PUS10: variants seen among roughly 807,000 people sequenced by gnomAD.
The protein encoded by PUS10 is tRNA pseudouridine synthase Pus10.
In PUS10, 59 loss-of-function variants were observed where a neutral mutation model predicts 75.0. The observed-to-expected ratio is 0.79, with a 90% CI of 0.64 to 0.98. The LOEUF (loss-of-function observed/expected upper bound fraction) is 0.98. PUS10 is among the 50% of genes least tolerant of loss of function. The pLI, the probability that PUS10 is intolerant of heterozygous loss-of-function variation, is 0.00. For missense variants in PUS10, 650 were observed against 614.4 expected (o/e 1.06, Z -0.61); for synonymous variants, 219 against 211.6 (o/e 1.03, Z -0.30).
intron 5 of PUS10, among the ~76,000 whole-genome samples, chr2:60,970,695 A>AT (rs1304477631): frequency 6.6e-6 from 1 of 152,224 alleles, no homozygotes; most frequent in Non-Finnish European, 1.5e-5. Context: ...CTCTAACATC[A>AT]TATCACATTT....
At chr2:61,014,872 G>A (rs1679866615) in intron 1 of PUS10, among the ~76,000 whole-genome samples, 1 of 152,208 alleles carries the variant, frequency 6.6e-6, no homozygotes, top group African/African-American at 2.4e-5. Context: ...TTACTTGCAA[G>A]TTGCTAAATG....
rs992043983 is a variant in PUS10, at chr2:60,942,280, C to T, written c.*115G>A. On this transcript the variant is annotated 3_prime_UTR_variant, in exon 18 of 18. Transcript: ENST00000316752. Reference sequence around the variant, plus strand: ...TAACAATTATATAGATCAACATGATCCAAATAGTTTTCAAGACACCGTTAT... The same window carrying T: ...TAACAATTATATAGATCAACATGATTCAAATAGTTTTCAAGACACCGTTAT... The T allele has an allele frequency of 2.5e-6, 2 of 811,966 alleles. No homozygotes were observed. Among genetic ancestry groups the T allele is most frequent in the Non-Finnish European group, 4.4e-6 (2 of 458,902 alleles). 50.3% of individuals were successfully genotyped at this position (811,966 alleles called of 1,614,324 possible). A position where few individuals can be genotyped will look rare whatever the true frequency, so the allele number is the denominator to read the frequency against.
chr2:60,944,526 G>A (rs369873519), intron 17 of PUS10, among the ~76,000 whole-genome samples: 1 of 152,070 alleles, frequency 6.6e-6, no homozygotes, highest in South Asian at 2.1e-4. Flanking sequence ...AGACTTGCCC[G>A]ACAGAACCAT....
Position 60,978,782 on chromosome 2 carries a change from G to T in PUS10, c.469-7225C>A, listed in dbSNP as rs188666949. ...TGGGAATTAAAGAAAAGGAAGATTT[G>T]TCGTAAACTAAAGCAGTAATTCAAG... On this transcript the variant is annotated intron_variant, in intron 4 of 17. Coordinates refer to ENST00000316752, the MANE Select transcript of PUS10 (RefSeq NM_144709.4). 9.8e-5 allele frequency among the ~76,000 whole-genome samples: 15 copies of T among 152,316 alleles called. No homozygotes were observed. The East Asian group carries it at 2.9e-3, about 29-fold the overall frequency.
At chr2:60,973,424 C>A (rs1676822618) in intron 4 of PUS10, among the ~76,000 whole-genome samples, 1 of 152,270 alleles carries the variant, frequency 6.6e-6, no homozygotes, top group Admixed American at 6.5e-5. Flanking sequence ...TCCCTGCTCC[C>A]AGTGCCTGCA....
chr2:60,996,874 C>T (rs1678499336), intron 4 of PUS10, among the ~76,000 whole-genome samples: 2 of 152,322 alleles, frequency 1.3e-5, no homozygotes, highest in South Asian at 2.1e-4. Flanking sequence ...AGGTTGGAAA[C>T]TCCTGGACTG....
intron 4 of PUS10, chr2:60,998,931 TA>T (rs925297416): frequency 6.6e-6 from 1 of 152,190 alleles, no homozygotes; most frequent in African/African-American, 2.4e-5. Context: ...TAAAGTATAA[TA>T]AATGATAGGA....
intron 4 of PUS10, among the ~76,000 whole-genome samples, chr2:60,976,122 C>T (rs576472530): frequency 1.3e-5 from 2 of 152,310 alleles, no homozygotes; most frequent in East Asian, 3.9e-4. Context: ...AATATTAATA[C>T]TTCCCTTGCA....
In PUS10 at chr2:60,979,904, A is replaced by T. The variant is rs139425709; in HGVS notation, c.469-8347T>A. On this transcript the variant is annotated intron_variant, in intron 4 of 17. Coordinates refer to ENST00000316752, the MANE Select transcript of PUS10 (RefSeq NM_144709.4). ...GGGCCAAATTAGGTTTTACAGCTCT[A>T]TTACTCCAGTTCCTGGAATTGCTAT... 1.8e-3 allele frequency among the ~76,000 whole-genome samples: 280 copies of T among 152,332 alleles called. 1 individual carries two copies. The highest frequency in any genetic ancestry group is 7.5e-3 in the Admixed American group (115 of 15,302).
intron 4 of PUS10, among the ~76,000 whole-genome samples, chr2:60,981,398 T>C (rs540213511): frequency 5.2e-4 from 79 of 152,224 alleles, no homozygotes; most frequent in African/African-American, 1.8e-3. Flanking sequence ...TTCTCCTGCC[T>C]CAGCCTCCCA....
At position 60,942,646 on chromosome 2, in the gene PUS10, G is replaced by C. The variant is rs992096384; in HGVS notation, c.1552-213C>G. 2.6e-5 allele frequency among the ~76,000 whole-genome samples: 4 copies of C among 152,072 alleles called. 1 individual carries two copies. The highest frequency in any genetic ancestry group is 2.9e-5 in the Non-Finnish European group (2 of 68,010). On this transcript the variant is annotated intron_variant, in intron 17 of 17. Coordinates refer to ENST00000316752, the MANE Select transcript of PUS10 (RefSeq NM_144709.4). ...CTGAATTAATTGAGTAGCAGTATTT[G>C]GCTACTCAGTTGGTTATTAACTGTG...
At chr2:60,974,972 C>G (rs1332630290) in intron 4 of PUS10, among the ~76,000 whole-genome samples, 2 of 152,228 alleles carry the variant, frequency 1.3e-5, no homozygotes, top group African/African-American at 4.8e-5. Flanking sequence ...AAGCAACACC[C>G]CAAGGATCCC....
intron 4 of PUS10, among the ~76,000 whole-genome samples, chr2:60,991,188 C>CT (rs1207977569): frequency 7.2e-5 from 11 of 152,090 alleles, no homozygotes; most frequent in Non-Finnish European, 1.5e-4. Context: ...CTGACCTATA[C>CT]TTTAAAAAAC....
chr2:60,992,162 C>T (rs1419327559), intron 4 of PUS10, among the ~76,000 whole-genome samples: 1 of 152,052 alleles, frequency 6.6e-6, no homozygotes, highest in Non-Finnish European at 1.5e-5. Context: ...AGGTGCCTGC[C>T]ACCACACCCA....
intron 2 of PUS10, chr2:61,009,980 A>C (rs997265890): frequency 6.6e-6 from 1 of 152,260 alleles, no homozygotes; most frequent in African/African-American, 2.4e-5. Context: ...TATAATATAG[A>C]TATAACATAG....
chr2:60,946,489 C>A (rs1401817330), intron 16 of PUS10, among the ~76,000 whole-genome samples: 2 of 152,086 alleles, frequency 1.3e-5, no homozygotes, highest in Non-Finnish European at 2.9e-5. Context: ...CCTTGGCCCA[C>A]CAGAACTAAA....
chr2:60,951,989 G>GCTAT (rs748714724), intron 15 of PUS10, among the ~76,000 whole-genome samples: 4 of 152,118 alleles, frequency 2.6e-5, no homozygotes, highest in Non-Finnish European at 5.9e-5. Context: ...TAAACAATGT[G>GCTAT]GTAACTATAT....
Position 60,942,297 on chromosome 2 carries a change from C to G in PUS10, c.*98G>C, listed in dbSNP as rs1674664793. ...AACATGATCCAAATAGTTTTCAAGACACCGTTATGGTGGGTAAACAGCCAT... is the reference window on the plus strand; with the variant it reads ...AACATGATCCAAATAGTTTTCAAGAGACCGTTATGGTGGGTAAACAGCCAT... On this transcript the variant is annotated 3_prime_UTR_variant, in exon 18 of 18. Coordinates refer to ENST00000316752, the MANE Select transcript of PUS10 (RefSeq NM_144709.4). 1.1e-6 allele frequency: 1 copy of G among 932,146 alleles called. No individual in the cohort carries two copies. The highest frequency in any genetic ancestry group is 1.6e-5 in the African/African-American group (1 of 61,586). The allele number at this position is 932,146 out of a possible 1,614,324, so 57.7% of individuals were successfully genotyped here. A position where few individuals can be genotyped will look rare whatever the true frequency, so the allele number is the denominator to read the frequency against.
Position 60,940,232 on chromosome 2 carries a change from T to G in PUS10, c.*2163A>C, listed in dbSNP as rs1674565311. 6.6e-6 allele frequency: 1 copy of G among 152,466 alleles called. No individual in the cohort carries two copies. Among genetic ancestry groups the G allele is most frequent in the Admixed American group, 6.5e-5 (1 of 15,308 alleles). 9.4% of individuals were successfully genotyped at this position (152,466 alleles called of 1,614,324 possible). ...TTTTCTTACTTGGACATTTTTCATT[T>G]TACCAACTTTATTTTCTTTTGACTT... On this transcript the variant is annotated 3_prime_UTR_variant, in exon 18 of 18. Transcript: ENST00000316752.
Sources: gnomAD v4.1 joint callset for allele counts (sites outside exome capture counted in the v4.1 genomes callset) on GRCh38, gnomAD v4.1.1 for gene constraint, MANE v1.5 for transcripts, NCBI Gene and HGNC (gene_info 2026-07-23, HGNC 2026-07-21) for gene names.